Variants in ANKRD45 observed in about 807,000 individuals in gnomAD.
ANKRD45 encodes the protein ankyrin repeat domain-containing protein 45.
ANKRD45 carries 21 observed loss-of-function variants against 28.1 expected under a neutral mutation model. The observed-to-expected ratio is 0.75, with a 90% CI of 0.53 to 1.08. The LOEUF (loss-of-function observed/expected upper bound fraction) is 1.08, where lower values mean the gene tolerates loss of function less well. ANKRD45 is among the 50% of genes least tolerant of loss of function. ANKRD45 has a pLI of 0.00. For synonymous variants in ANKRD45, 86 were observed against 103.9 expected (o/e 0.83, Z 1.05); for missense variants, 261 against 308.7 (o/e 0.85, Z 1.16).
the ANKRD45 span, among the ~76,000 whole-genome samples, chr1:173,682,882 T>C: frequency 4.6e-5 from 7 of 152,178 alleles, no homozygotes; most frequent in African/African-American, 1.7e-4. Flanking sequence ...AGCAAAAAGG[T>C]AGGCTTGTTA....
chr1:173,666,162 T>C (rs1461737681), intron 1 of ANKRD45, among the ~76,000 whole-genome samples: 1 of 152,224 alleles, frequency 6.6e-6, no homozygotes, highest in African/African-American at 2.4e-5. Flanking sequence ...CTGCCTAATT[T>C]CAAGCTGGGC....
chr1:173,694,234 G>C, the ANKRD45 span, among the ~76,000 whole-genome samples: 43 of 151,946 alleles, frequency 2.8e-4, 1 homozygote, highest in Admixed American at 2.8e-3. Context: ...CATGATCTTG[G>C]CTCACTGCAA....
At chr1:173,692,449 G>A in the ANKRD45 span, among the ~76,000 whole-genome samples, 2 of 152,168 alleles carry the variant, frequency 1.3e-5, no homozygotes, top group Admixed American at 1.3e-4. Flanking sequence ...GAGGCAATGA[G>A]ATATGCATTT....
Position 173,624,916 on chromosome 1 carries a change from G to A in ANKRD45, c.601C>T (p.Leu201Phe). 1 of 1,612,718 alleles carries A rather than the reference G, an allele frequency of 6.2e-7. No homozygotes were observed. Residue 201 changes from leucine to phenylalanine, a missense_variant, in exon 5 of 6, where the codon CTC becomes TTC. By Grantham distance (22) the Leu-to-Phe change is conservative. Transcript: ENST00000333279. ...KLLKEDKNTI[L>F]SACRAKNEWL... ...TCATTTTTTGCACGGCATGCACTGA[G>A]GATGGTATTCTAGGGACAGAAATAC...
chr1:173,659,296 T>C lies in ANKRD45; in HGVS notation c.123A>G (p.Gln41=), dbSNP rs750725539. ...EETGPKNPLL[Q]PALTGDVEGL... Reference sequence around the variant, plus strand: ...CCTCTACATCCCCTGTGAGAGCAGGTTGTAAAAGGGGGTTCTTAGGGCCTG... The same window carrying C: ...CCTCTACATCCCCTGTGAGAGCAGGCTGTAAAAGGGGGTTCTTAGGGCCTG... The change falls in exon 2 of 6, where the codon CAA becomes CAG. Residue 41 remains glutamine, a synonymous_variant. Coordinates refer to ENST00000333279, the MANE Select transcript of ANKRD45 (RefSeq NM_198493.3). The C allele has an allele frequency of 6.8e-6, 11 of 1,613,770 alleles. No homozygotes were observed. In the East Asian group the frequency reaches 1.6e-4, roughly 23 times the overall value.
At chr1:173,682,983 C>A in the ANKRD45 span, among the ~76,000 whole-genome samples, 201 of 151,700 alleles carry the variant, frequency 1.3e-3, no homozygotes, top group African/African-American at 4.7e-3. Flanking sequence ...CCTCACCACA[C>A]CAGCTTTTTT....
intron 5 of ANKRD45, among the ~76,000 whole-genome samples, chr1:173,618,350 A>G (rs1298203216): frequency 6.6e-6 from 1 of 152,224 alleles, no homozygotes; most frequent in Non-Finnish European, 1.5e-5. Context: ...TCACTGAGCT[A>G]AAGGAACACA....
intron 5 of ANKRD45, among the ~76,000 whole-genome samples, chr1:173,623,131 C>A (rs922407463): frequency 2.6e-5 from 4 of 151,734 alleles, no homozygotes; most frequent in African/African-American, 9.7e-5. Context: ...GCCTGGCCAA[C>A]ATGGTGAAAC....
intron 5 of ANKRD45, among the ~76,000 whole-genome samples, chr1:173,617,353 G>C: frequency 6.6e-6 from 1 of 152,250 alleles, no homozygotes. Flanking sequence ...CAACAGGCTG[G>C]AGACTGCCTG....
upstream of ANKRD45, among the ~76,000 whole-genome samples, chr1:173,671,771 C>T (rs1008366942): frequency 6.6e-6 from 1 of 151,566 alleles, no homozygotes; most frequent in Admixed American, 6.6e-5. Flanking sequence ...AGTCCCAGCT[C>T]CTTGGGAGGA....
chr1:173,646,251 C>T (rs1385519520), intron 3 of ANKRD45, among the ~76,000 whole-genome samples: 5 of 152,002 alleles, frequency 3.3e-5, no homozygotes, highest in African/African-American at 4.8e-5. Flanking sequence ...AACTTACAAA[C>T]AGAAAAGTAC....
the ANKRD45 span, among the ~76,000 whole-genome samples, chr1:173,683,426 A>T: frequency 1.3e-5 from 2 of 151,854 alleles, no homozygotes; most frequent in South Asian, 4.2e-4. Context: ...AGCAAGTAAA[A>T]CTCCAAAACA....
the ANKRD45 span, chr1:173,675,292 T>A: frequency 1.7e-5 from 5 of 298,764 alleles, no homozygotes; most frequent in East Asian, 4.4e-4. Context: ...ATTGAAAACA[T>A]TATTTTGCAG....
At chr1:173,634,583 C>T (rs931613225) in intron 3 of ANKRD45, among the ~76,000 whole-genome samples, 1 of 151,924 alleles carries the variant, frequency 6.6e-6, no homozygotes, top group Non-Finnish European at 1.5e-5. Context: ...ACTCACATAT[C>T]TTTTTCTGCA....
upstream of ANKRD45, among the ~76,000 whole-genome samples, chr1:173,671,862 A>T (rs1419259618): frequency 6.6e-6 from 1 of 151,222 alleles, no homozygotes; most frequent in Non-Finnish European, 1.5e-5. Flanking sequence ...AGCATGGGTG[A>T]CAGAGCAAGA....
At chr1:173,644,747 C>T (rs909846055) in intron 3 of ANKRD45, among the ~76,000 whole-genome samples, 3 of 152,070 alleles carry the variant, frequency 2.0e-5, no homozygotes, top group African/African-American at 7.2e-5. Context: ...GTAATCCCAG[C>T]ACTTTGGGAG....
At chr1:173,611,530 C>T (rs1324062424) in intron 5 of ANKRD45, among the ~76,000 whole-genome samples, 1 of 150,778 alleles carries the variant, frequency 6.6e-6, no homozygotes, top group Non-Finnish European at 1.5e-5. Context: ...ACTGATTATC[C>T]ACATGCAAAA....
chr1:173,713,185 C>G, the ANKRD45 span, among the ~76,000 whole-genome samples: 1 of 152,130 alleles, frequency 6.6e-6, no homozygotes, highest in Non-Finnish European at 1.5e-5. Context: ...GATCACAAAG[C>G]TAGTCAGTTA....
Position 173,624,833 on chromosome 1 carries a change from T to C in ANKRD45, c.684A>G (p.Gln228=), listed in dbSNP as rs1471043644. ...AGATAGGAGTCACAATATCTTCCAGTTGTTGTCTCTGCTCAAAAAGCTCAT... is the reference window on the plus strand; with the variant it reads ...AGATAGGAGTCACAATATCTTCCAGCTGTTGTCTCTGCTCAAAAAGCTCAT... ...SINELFEQRQ[Q]LEDIVTPIFT... Residue 228 remains glutamine (Q), a synonymous_variant, in exon 5 of 6, where the codon CAA becomes CAG. Transcript: ENST00000333279. 3.1e-6 allele frequency: 5 copies of C among 1,613,868 alleles called. No individual in the cohort carries two copies. The highest frequency in any genetic ancestry group is 3.4e-6 in the Non-Finnish European group (4 of 1,179,848).
Sources: allele counts gnomAD v4.1 joint callset (sites outside exome capture counted in the v4.1 genomes callset), GRCh38; gene constraint gnomAD v4.1.1; transcripts MANE v1.5; gene names NCBI Gene and HGNC (gene_info 2026-07-23, HGNC 2026-07-21).